The following DBR1 variants were observed in gnomAD, a reference collection of about 807,000 sequenced individuals.
DBR1 encodes lariat debranching enzyme.
Under a neutral mutation model 45.9 loss-of-function variants are expected in DBR1, and 33 were observed. That is an observed-to-expected ratio of 0.72 (90% confidence interval 0.55 to 0.96). The LOEUF (loss-of-function observed/expected upper bound fraction) is 0.96. Ranked by LOEUF, DBR1 falls within the 40% of genes least tolerant of loss-of-function variation. The pLI is 0.00. For synonymous variants in DBR1, 235 were observed against 235.9 expected, an observed-to-expected ratio of 1.00 and a Z score of 0.04; for missense variants, 619 against 667.4, an observed-to-expected ratio of 0.93 and a Z score of 0.80.
intron 3 of DBR1, 153 bp downstream of exon 3, chr3:138,171,475 CAAAAA>C (rs906867666): frequency 7.6e-3 from 528 of 69,230 alleles, no homozygotes; most frequent in Middle Eastern, 0.016. Context: ...AACTCTGTCT[CAAAAA>C]AAAAAAAAAA....
intron 4 of DBR1, among the ~76,000 whole-genome samples, chr3:138,168,944 CAG>C (rs1465802975): frequency 6.6e-6 from 1 of 150,860 alleles, no homozygotes; most frequent in Non-Finnish European, 1.5e-5. Flanking sequence ...GCCTGGGTGA[CAG>C]AGTGAGACCT....
chr3:138,174,904 C>T lies in DBR1; in HGVS notation c.-109G>A, dbSNP rs1374189329. On this transcript the variant is annotated 5_prime_UTR_variant, in exon 1 of 8. Transcript: ENST00000260803. ...CAACTTTAATAAGTATAGCCACCGC[C>T]TGGGTGTAGACTCCTGCAAAATAAT... The T allele has an allele frequency of 2.1e-4, 218 of 1,021,352 alleles. 1 individual carries two copies. The South Asian group carries it at 2.9e-3, about 14-fold the overall frequency. The allele number at this position is 1,021,352 out of a possible 1,614,324, so 63.3% of individuals were successfully genotyped here. A position where few individuals can be genotyped will look rare whatever the true frequency, so the allele number is the denominator to read the frequency against.
chr3:138,174,112 G>A (rs571786382), intron 1 of DBR1, among the ~76,000 whole-genome samples: 1 of 151,610 alleles, frequency 6.6e-6, no homozygotes, highest in East Asian at 1.9e-4. Flanking sequence ...TCAAGTCAGT[G>A]CCCGTTCAAT....
intron 3 of DBR1, among the ~76,000 whole-genome samples, chr3:138,170,646 T>C (rs2042949849): frequency 6.6e-6 from 1 of 152,234 alleles, no homozygotes; most frequent in South Asian, 2.1e-4. Context: ...TGTACCTCCA[T>C]TCCAACAGTT....
At position 138,174,647 on chromosome 3, in the gene DBR1, C is replaced by T; in HGVS notation, c.149G>A (p.Arg50His). The T allele has an allele frequency of 6.2e-7, 1 of 1,612,626 alleles. No individual in the cohort carries two copies. Among genetic ancestry groups the T allele is most frequent in the Non-Finnish European group, 8.5e-7 (1 of 1,179,478 alleles). The change falls in exon 1 of 8, where the codon CGC (arginine) becomes CAC (histidine). Residue 50 changes from arginine (R) to histidine (H), a missense_variant. By Grantham distance (29) the Arg-to-His change is conservative. This residue lies in a region of DBR1 where 430 missense variants were observed against 447.7 expected (regional missense o/e 0.96). Transcript: ENST00000260803. ...ATACTTGGGCGGCACGGCCATGCAGCGTAGATCCGCCTCGTTGCGCACCGC... is the reference window on the plus strand; with the variant it reads ...ATACTTGGGCGGCACGGCCATGCAGTGTAGATCCGCCTCGTTGCGCACCGC... Reference protein sequence around the residue: ...FQAVRNEADLRCMAVPPKYRH... With the variant: ...FQAVRNEADLHCMAVPPKYRH...
chr3:138,164,464 G>C (rs980918120), intron 5 of DBR1, among the ~76,000 whole-genome samples: 2 of 152,116 alleles, frequency 1.3e-5, no homozygotes, highest in Admixed American at 6.6e-5. Flanking sequence ...CAAATCTATA[G>C]AAACACAAAG....
At position 138,174,721 on chromosome 3, in the gene DBR1, C is replaced by T; in HGVS notation, c.75G>A (p.Arg25=). ...AGAGGTCGACAGGCCCCGGGCCGCG[C>T]CGCTCTGCCAGCGCCAGCGTCTCAT... The part of the protein sequence containing the change: ...KIYETLALAE[R]RGPGPVDLLL... Residue 25 remains arginine (R), a synonymous_variant, in exon 1 of 8, where the codon CGG becomes CGA. Coordinates refer to ENST00000260803, the MANE Select transcript of DBR1 (RefSeq NM_016216.4). 6.2e-7 allele frequency: 1 copy of T among 1,612,772 alleles called. No homozygotes were observed. The highest frequency in any genetic ancestry group is 1.3e-5 in the African/African-American group (1 of 75,052).
intron 5 of DBR1, among the ~76,000 whole-genome samples, 177 bp downstream of exon 5, chr3:138,166,904 T>C (rs1355923062): frequency 6.6e-6 from 1 of 152,186 alleles, no homozygotes; most frequent in East Asian, 1.9e-4. Flanking sequence ...CTGCCTACGT[T>C]TTCTCTCAAA....
Position 138,162,295 on chromosome 3 carries a change from T to C in DBR1, c.1229A>G (p.Asp410Gly). 1 of 1,614,026 alleles carries C rather than the reference T, an allele frequency of 6.2e-7. No individual in the cohort carries two copies. The highest frequency in any genetic ancestry group is 8.5e-7 in the Non-Finnish European group (1 of 1,179,866). The change falls in exon 8 of 8, where the codon GAC (aspartate) becomes GGC (glycine). Residue 410 changes from aspartate (D) to glycine (G), a missense_variant. By Grantham distance (94) the Asp-to-Gly change is moderately conservative. Around this residue, in one of 3 missense-constraint regions of DBR1, gnomAD observed 182 missense variants for 196.1 expected, o/e 0.93. Coordinates refer to ENST00000260803, the MANE Select transcript of DBR1 (RefSeq NM_016216.4). ...TGTGTCTGTATTATATTCACTCTGG[T>C]CTTCTCCAGAGTCATTACTCTCCAC... ...DDVESNDSGE[D>G]QSEYNTDTSA... is the part of the protein sequence containing the mutation.
At chr3:138,164,894 G>A (rs1414644781) in intron 5 of DBR1, among the ~76,000 whole-genome samples, 2 of 152,066 alleles carry the variant, frequency 1.3e-5, no homozygotes, top group South Asian at 2.1e-4. Flanking sequence ...TGATCCACCC[G>A]CCTTGGCCTC....
rs1559881792 is a variant in DBR1 at position 138,161,947 on chromosome 3, T to C, written c.1577A>G (p.Lys526Arg). The C allele has an allele frequency of 1.2e-6, 2 of 1,614,090 alleles. No individual in the cohort carries two copies. Among genetic ancestry groups the C allele is most frequent in the African/African-American group, 1.3e-5 (1 of 74,942 alleles). Residue 526 changes from lysine (K) to arginine (R), a missense_variant, in exon 8 of 8, where the codon AAG becomes AGG. Lys to Arg is a conservative substitution (Grantham distance 26). This residue lies in a region of DBR1 where 182 missense variants were observed against 196.1 expected (regional missense o/e 0.93). Coordinates refer to ENST00000260803, the MANE Select transcript of DBR1 (RefSeq NM_016216.4). ...EHEPEQRKKI[K>R]RRNQAIYAAV... ...AGCGTAAATGGCTTGATTCCTCCTC[T>C]TAATTTTCTTTCTTTGTTCAGGTTC...
rs2042951659 is a variant in DBR1 at position 138,171,178 on chromosome 3, T to A, written c.403+455A>T. 2.0e-5 allele frequency: 3 copies of A among 151,990 alleles called. No individual in the cohort carries two copies. The South Asian group carries it at 6.2e-4, about 31-fold the overall frequency. 9.4% of individuals were successfully genotyped at this position (151,990 alleles called of 1,614,324 possible). ...TTTCTTAAAAATAAAAATAAAAAAATAGCAAAATACAGGCCGGGCGTGGTA... is the reference window on the plus strand; with the variant it reads ...TTTCTTAAAAATAAAAATAAAAAAAAAGCAAAATACAGGCCGGGCGTGGTA... On this transcript the variant is annotated intron_variant, in intron 3 of 7. Transcript: ENST00000260803.
Position 138,171,655 on chromosome 3 carries a change from A to G in DBR1, c.381T>C (p.Phe127=), listed in dbSNP as rs372743578. 1.2e-5 allele frequency: 20 copies of G among 1,613,218 alleles called. No homozygotes were observed. The highest frequency in any genetic ancestry group is 1.4e-5 in the Non-Finnish European group (16 of 1,179,398). Residue 127 remains phenylalanine, a synonymous_variant, in exon 3 of 8, where the codon TTT becomes TTC. Transcript: ENST00000260803. ...GVRIGGISGI[F]KSHDYRKGHF... is the part of the protein sequence containing the mutation. ...TACCTTTTCGATAGTCATGAGATTT[A>G]AAGATACCAGAGATTCCACCGATCC...
In DBR1 at chr3:138,161,644, G is replaced by C. The variant is rs973412083; in HGVS notation, c.*245C>G. ...GTGGATCGCCTGAGGTCAGGAGTTGGAGACCAGCCTGGCCAACACGGTGAA... is the reference window on the plus strand; with the variant it reads ...GTGGATCGCCTGAGGTCAGGAGTTGCAGACCAGCCTGGCCAACACGGTGAA... On this transcript the variant is annotated 3_prime_UTR_variant, in exon 8 of 8. Transcript: ENST00000260803. 9 of 400,118 alleles carry C rather than the reference G, an allele frequency of 2.2e-5. No homozygotes were observed. The highest frequency in any genetic ancestry group is 2.2e-4 in the Admixed American group (6 of 27,002). 24.8% of individuals were successfully genotyped at this position (400,118 alleles called of 1,614,324 possible). A position where few individuals can be genotyped will look rare whatever the true frequency, so the allele number is the denominator to read the frequency against.
chr3:138,162,289 C>G lies in DBR1; in HGVS notation c.1235G>C (p.Ser412Thr). Residue 412 changes from serine to threonine, a missense_variant, in exon 8 of 8, where the codon AGT (serine) becomes ACT (threonine). Physicochemically the swap from Ser to Thr is moderately conservative, Grantham distance 58 (BLOSUM62 1). Coordinates refer to ENST00000260803, the MANE Select transcript of DBR1 (RefSeq NM_016216.4). ...VESNDSGEDQSEYNTDTSALS... is the reference protein window; with the variant it reads ...VESNDSGEDQTEYNTDTSALS... The stretch of plus-strand genomic sequence containing the variant: ...AGCAGATGTGTCTGTATTATATTCA[C>G]TCTGGTCTTCTCCAGAGTCATTACT... 1 of 1,614,202 alleles carries G rather than the reference C, an allele frequency of 6.2e-7. No homozygotes were observed.
chr3:138,163,675 C>T, intron 6 of DBR1, 103 bp downstream of exon 6: 1 of 847,662 alleles, frequency 1.2e-6, no homozygotes, highest in Middle Eastern at 3.1e-4. Flanking sequence ...TCTCAGAATA[C>T]ATAAATTACA....
chr3:138,166,434 C>T (rs932997816), intron 5 of DBR1, among the ~76,000 whole-genome samples: 3 of 152,200 alleles, frequency 2.0e-5, no homozygotes, highest in Admixed American at 1.3e-4. Context: ...GAATCTGCTT[C>T]ATTCTCTGTA....
At chr3:138,163,206 G>A (rs896866647) in intron 7 of DBR1, 143 bp downstream of exon 7, 1 of 789,748 alleles carries the variant, frequency 1.3e-6, no homozygotes, top group Non-Finnish European at 1.9e-6. Flanking sequence ...GATGCAGTGA[G>A]CCAAGATCCA....
chr3:138,163,163 G>A (rs370341510), intron 7 of DBR1, among the ~76,000 whole-genome samples, 186 bp downstream of exon 7: 4 of 152,352 alleles, frequency 2.6e-5, no homozygotes, highest in Admixed American at 2.6e-4. Context: ...TGGGGGCAGA[G>A]GTGGGAGGAT....
Sources: allele counts gnomAD v4.1 joint callset (sites outside exome capture counted in the v4.1 genomes callset), GRCh38; gene constraint gnomAD v4.1.1; regional missense constraint gnomAD v4.1.1; transcripts MANE v1.5; gene names NCBI Gene and HGNC (gene_info 2026-07-23, HGNC 2026-07-21).